Variants in PSMD12 observed in about 807,000 individuals in gnomAD.
PSMD12 encodes 26S proteasome non-ATPase regulatory subunit 12.
In PSMD12, 8 loss-of-function variants were observed where a neutral mutation model predicts 62.9. The observed-to-expected ratio is 0.13, with a 90% CI of 0.07 to 0.23. The LOEUF is 0.23. Among genes scored for constraint, PSMD12 ranks in the 10% least tolerant of loss-of-function variants. PSMD12 has a pLI of 1.00. For missense variants in PSMD12, 424 were observed against 550.2 expected, an observed-to-expected ratio of 0.77 and a Z score of 2.29; for synonymous variants, 173 against 187.4, an observed-to-expected ratio of 0.92 and a Z score of 0.63.
chr17:67,345,725 C>T lies in PSMD12; in HGVS notation c.908+20G>A, dbSNP rs542392736. The T allele has an allele frequency of 2.6e-6, 4 of 1,567,918 alleles. No homozygotes were observed. Among genetic ancestry groups the T allele is most frequent in the Middle Eastern group, 2.2e-4 (1 of 4,570 alleles). ...GGTGTTTCGACTGAGATATATCATG[C>T]TAATTTCAAAAGTACTTACTTGTAT... On this transcript the variant is annotated intron_variant, in intron 8 of 10. Coordinates refer to ENST00000356126, the MANE Select transcript of PSMD12 (RefSeq NM_002816.5).
chr17:67,359,319 C>T (rs1288590288), intron 1 of PSMD12, among the ~76,000 whole-genome samples: 2 of 152,186 alleles, frequency 1.3e-5, no homozygotes, highest in Admixed American at 6.6e-5. Context: ...TGTACCACTG[C>T]ACTCCAGCCT....
At chr17:67,350,113 TG>T in intron 4 of PSMD12, 115 bp downstream of exon 4, 1 of 606,482 alleles carries the variant, frequency 1.6e-6, no homozygotes, top group Non-Finnish European at 2.7e-6. Context: ...TGACATTTTG[TG>T]TATTTCTTTA....
rs1114167442 is a variant in PSMD12, at chr17:67,350,267, G to C, written c.367C>G (p.Arg123Gly). 1.9e-6 allele frequency: 3 copies of C among 1,612,832 alleles called. No homozygotes were observed. The highest frequency in any genetic ancestry group is 2.2e-5 in the South Asian group (2 of 90,838). The change falls in exon 4 of 11, where the codon CGA (arginine) becomes GGA (glycine). Residue 123 changes from arginine to glycine, a missense_variant. Coordinates refer to ENST00000356126, the MANE Select transcript of PSMD12 (RefSeq NM_002816.5). ...ACCATTCGTAGAGTATCAATTAATC[G>C]AAGTTTGATAGGAAGGTCTGTGATT... ...EEITDLPIKL[R>G]LIDTLRMVTE...
intron 7 of PSMD12, among the ~76,000 whole-genome samples, chr17:67,346,306 A>C (rs1294357561): frequency 6.6e-6 from 1 of 151,926 alleles, no homozygotes; most frequent in South Asian, 2.1e-4. Flanking sequence ...GAGGCAGGAG[A>C]ATGGTGTGAA....
In PSMD12 at chr17:67,342,172, T is replaced by C; in HGVS notation, c.1161+14A>G. The C allele has an allele frequency of 6.5e-7, 1 of 1,530,386 alleles. No individual in the cohort carries two copies. Among genetic ancestry groups the C allele is most frequent in the Non-Finnish European group, 9.0e-7 (1 of 1,110,014 alleles). The allele number at this position is 1,530,386 out of a possible 1,614,324, so 94.8% of individuals were successfully genotyped here. A position where few individuals can be genotyped will look rare whatever the true frequency, so the allele number is the denominator to read the frequency against. The stretch of plus-strand genomic sequence containing the variant: ...GGAATGCCTACAAATAACTCAAAGT[T>C]GATTACTACTTACATCAACAGATAG... On this transcript the variant is annotated intron_variant, in intron 10 of 10. Transcript: ENST00000356126.
At position 67,339,773 on chromosome 17, in the gene PSMD12, C is replaced by G. The variant is rs2041893892; in HGVS notation, c.*1070G>C. On this transcript the variant is annotated 3_prime_UTR_variant, in exon 11 of 11. Coordinates refer to ENST00000356126, the MANE Select transcript of PSMD12 (RefSeq NM_002816.5). ...TTTCTCTGAAATAAATCAAATTAAACTTGCAAAATTCGTTCACACCAATTC... is the reference window on the plus strand; with the variant it reads ...TTTCTCTGAAATAAATCAAATTAAAGTTGCAAAATTCGTTCACACCAATTC... 2 of 151,968 alleles carry G rather than the reference C, an allele frequency of 1.3e-5. No individual in the cohort carries two copies. Among genetic ancestry groups the G allele is most frequent in the Admixed American group, 1.3e-4 (2 of 15,258 alleles). 9.4% of individuals were successfully genotyped at this position (151,968 alleles called of 1,614,324 possible). A position where few individuals can be genotyped will look rare whatever the true frequency, so the allele number is the denominator to read the frequency against.
At chr17:67,341,802 A>G (rs541620103) in intron 10 of PSMD12, among the ~76,000 whole-genome samples, 2 of 152,228 alleles carry the variant, frequency 1.3e-5, no homozygotes, top group African/African-American at 2.4e-5. Context: ...ACTCTCATTC[A>G]TAAGTGACAA....
chr17:67,346,095 A>T (rs2041962914), intron 7 of PSMD12, among the ~76,000 whole-genome samples: 1 of 151,660 alleles, frequency 6.6e-6, no homozygotes, highest in African/African-American at 2.4e-5. Context: ...AAAAATACAA[A>T]AATAAAAAAA....
chr17:67,342,115 C>A, intron 10 of PSMD12, 71 bp downstream of exon 10: 1 of 1,117,702 alleles, frequency 8.9e-7, no homozygotes, highest in Admixed American at 2.0e-5. Flanking sequence ...CATTGATTTT[C>A]TTACTCAATT....
chr17:67,353,313 C>G (rs1014444743), intron 3 of PSMD12, among the ~76,000 whole-genome samples: 11 of 151,486 alleles, frequency 7.3e-5, no homozygotes, highest in Non-Finnish European at 1.6e-4. Flanking sequence ...CTCCTTCCCC[C>G]CGCTCCCTCT....
rs11366514 is a variant in PSMD12 at position 67,342,939 on chromosome 17, CAAAAA to C, written c.1084-681_1084-677del. ...TGACAGAGCTACACTGACTCTCTTT[CAAAAA>C]AAAAAAAAAAAAGATTAGACATCAT... On this transcript the variant is annotated intron_variant, in intron 9 of 10. Transcript: ENST00000356126. 1.2e-4 allele frequency among the ~76,000 whole-genome samples: 12 copies of C among 102,684 alleles called. No individual in the cohort carries two copies. The South Asian group carries it at 3.6e-3, about 31-fold the overall frequency. 67.4% of individuals were successfully genotyped at this position (102,684 alleles called of 152,430 possible). A position where few individuals can be genotyped will look rare whatever the true frequency, so the allele number is the denominator to read the frequency against.
chr17:67,362,128 G>T (rs1185295300), intron 1 of PSMD12, among the ~76,000 whole-genome samples: 1 of 152,138 alleles, frequency 6.6e-6, no homozygotes, highest in African/African-American at 2.4e-5. Context: ...ATTTAAGAAT[G>T]TAAGTAGTCC....
chr17:67,356,889 C>T (rs1236289683), intron 3 of PSMD12, among the ~76,000 whole-genome samples: 4 of 151,752 alleles, frequency 2.6e-5, no homozygotes, highest in African/African-American at 9.7e-5. Context: ...CATGCGCTTA[C>T]AGTCCCAGCT....
intron 1 of PSMD12, among the ~76,000 whole-genome samples, chr17:67,365,121 T>G (rs938904052): frequency 6.6e-6 from 1 of 150,918 alleles, no homozygotes; most frequent in Non-Finnish European, 1.5e-5. Flanking sequence ...GAGGCGGGGG[T>G]TGCAGTCAGC....
chr17:67,345,379 A>C lies in PSMD12; in HGVS notation c.908+366T>G, dbSNP rs571589107. 2.0e-5 allele frequency among the ~76,000 whole-genome samples: 3 copies of C among 152,188 alleles called. No individual in the cohort carries two copies. The South Asian group carries it at 6.2e-4, about 32-fold the overall frequency. ...CACTTAGGCCAGGCGCAGTGGCTCA[A>C]GCCTGTAATCCCAGCACTTTGGGTG... On this transcript the variant is annotated intron_variant, in intron 8 of 10. Transcript: ENST00000356126.
At chr17:67,361,892 AAAAAAAAAAAAAAAAAAGG>A (rs2042132071) in intron 1 of PSMD12, among the ~76,000 whole-genome samples, 1 of 133,432 alleles carries the variant, frequency 7.5e-6, no homozygotes, top group Non-Finnish European at 1.7e-5. Flanking sequence ...AAAAAAAAAA[AAAAAAAAAAAAAAAAAAGG>A]AAGGAAGGAA....
At chr17:67,362,320 C>A (rs2042138713) in intron 1 of PSMD12, among the ~76,000 whole-genome samples, 1 of 152,208 alleles carries the variant, frequency 6.6e-6, no homozygotes, top group East Asian at 1.9e-4. Flanking sequence ...TTTACTAACA[C>A]CCCATCATCC....
chr17:67,356,516 C>T (rs528201396), intron 3 of PSMD12, among the ~76,000 whole-genome samples: 210 of 121,294 alleles, frequency 1.7e-3, no homozygotes, highest in African/African-American at 6.1e-3. Flanking sequence ...CGAGATCGCG[C>T]CACTGCACTC....
At position 67,339,785 on chromosome 17, in the gene PSMD12, G is replaced by T. The variant is rs1195964161; in HGVS notation, c.*1058C>A. On this transcript the variant is annotated 3_prime_UTR_variant, in exon 11 of 11. Transcript: ENST00000356126. The stretch of plus-strand genomic sequence containing the variant: ...AAATCAAATTAAACTTGCAAAATTC[G>T]TTCACACCAATTCATCTCAGGTGTT... 2 of 151,424 alleles carry T rather than the reference G, an allele frequency of 1.3e-5. No homozygotes were observed. Among genetic ancestry groups the T allele is most frequent in the East Asian group, 1.9e-4 (1 of 5,170 alleles). 9.4% of individuals were successfully genotyped at this position (151,424 alleles called of 1,614,324 possible).
Sources: allele counts gnomAD v4.1 joint callset (sites outside exome capture counted in the v4.1 genomes callset), GRCh38; gene constraint gnomAD v4.1.1; transcripts MANE v1.5; gene names NCBI Gene and HGNC (gene_info 2026-07-23, HGNC 2026-07-21).